RNF13: variants seen among roughly 807,000 people sequenced by gnomAD.
RNF13 encodes the protein ring finger protein 13.
A neutral mutation model predicts 37.7 loss-of-function variants in RNF13; 19 were observed. The observed-to-expected ratio is 0.50, with a 90% CI of 0.35 to 0.74. The LOEUF (loss-of-function observed/expected upper bound fraction) is 0.74. RNF13 is among the 30% of genes least tolerant of loss of function. The pLI is 0.01. For synonymous variants in RNF13, 144 were observed against 157.8 expected, an observed-to-expected ratio of 0.91 and a Z score of 0.65; for missense variants, 375 against 453.0, an observed-to-expected ratio of 0.83 and a Z score of 1.56.
Position 149,912,099 on chromosome 3 carries a change from T to G in RNF13, c.606+16T>G, listed in dbSNP as rs1427506163. The G allele has an allele frequency of 4.1e-6, 5 of 1,212,676 alleles. No homozygotes were observed. Among genetic ancestry groups the G allele is most frequent in the Non-Finnish European group, 6.0e-6 (5 of 831,124 alleles). The allele number at this position is 1,212,676 out of a possible 1,614,324, so 75.1% of individuals were successfully genotyped here. ...CATTTTCATGGTAGGTACATTAACT[T>G]TTAATAATTTTTAAAAAATAGTATG... is the stretch of plus-strand genomic sequence containing the variant. On this transcript the variant is annotated intron_variant, in intron 7 of 9. Transcript: ENST00000392894.
At chr3:149,829,160 G>C (rs1446781783) in intron 1 of RNF13, among the ~76,000 whole-genome samples, 1 of 152,092 alleles carries the variant, frequency 6.6e-6, no homozygotes, top group East Asian at 1.9e-4. Flanking sequence ...GGTGTGCAGT[G>C]GCTATCTTGG....
intron 1 of RNF13, among the ~76,000 whole-genome samples, chr3:149,817,605 T>C (rs9862467): frequency 6.6e-6 from 1 of 152,124 alleles, no homozygotes; most frequent in Non-Finnish European, 1.5e-5. Flanking sequence ...GGGGCAACAA[T>C]GAAAGTCAGG....
At chr3:149,844,968 C>A (rs765381081) in intron 1 of RNF13, among the ~76,000 whole-genome samples, 1 of 152,180 alleles carries the variant, frequency 6.6e-6, no homozygotes, top group Non-Finnish European at 1.5e-5. Flanking sequence ...GCTTTCCCCC[C>A]ACGCCCTGCC....
Position 149,938,163 on chromosome 3 carries a change from A to G in RNF13, c.700+16936A>G, listed in dbSNP as rs115387415. Among the ~76,000 whole-genome samples the G allele has an allele frequency of 4.8e-3, 726 of 151,348 alleles. 2 individuals are homozygous for G. Among genetic ancestry groups the G allele is most frequent in the African/African-American group, 0.017 (700 of 41,440 alleles). On this transcript the variant is annotated intron_variant, in intron 8 of 9. Coordinates refer to ENST00000392894, the MANE Select transcript of RNF13 (RefSeq NM_183381.3). ...GTTATATATATAGTTATGTATATAT[A>G]TAATTTTTTAAAATTTTTTATTTAT...
rs2108625332 is a variant in RNF13, at chr3:149,961,980, A to C, written c.*876A>C. On this transcript the variant is annotated 3_prime_UTR_variant, in exon 10 of 10. Coordinates refer to ENST00000392894, the MANE Select transcript of RNF13 (RefSeq NM_183381.3). ...TTATGTTTAACAGAACTAATGATGT[A>C]TTGAAACACTGTATTATGAAAAGCT... 6.5e-6 allele frequency: 1 copy of C among 152,808 alleles called. No homozygotes were observed. The highest frequency in any genetic ancestry group is 1.9e-4 in the East Asian group (1 of 5,192). 9.5% of individuals were successfully genotyped at this position (152,808 alleles called of 1,614,324 possible). A position where few individuals can be genotyped will look rare whatever the true frequency, so the allele number is the denominator to read the frequency against.
chr3:149,940,994 C>T (rs1395267540), intron 8 of RNF13, among the ~76,000 whole-genome samples: 3 of 152,158 alleles, frequency 2.0e-5, no homozygotes, highest in South Asian at 4.1e-4. Context: ...AATGCCCTCA[C>T]GGTTCACCTA....
chr3:149,878,959 G>A (rs151216625), intron 4 of RNF13, among the ~76,000 whole-genome samples: 3 of 152,288 alleles, frequency 2.0e-5, no homozygotes, highest in African/African-American at 4.8e-5. Context: ...CAGAGTTAGA[G>A]TGTGTTTTCT....
At position 149,864,024 on chromosome 3, in the gene RNF13, T is replaced by A. The variant is rs1378395651; in HGVS notation, c.196-8005T>A. On this transcript the variant is annotated intron_variant, in intron 3 of 9. Coordinates refer to ENST00000392894, the MANE Select transcript of RNF13 (RefSeq NM_183381.3). ...TTGATTGGAATTTTTTTTTTTTTTT[T>A]TTTTTTTTTTTTTTTTAGAATGATG... Among the ~76,000 whole-genome samples the A allele has an allele frequency of 2.1e-5, 3 of 142,114 alleles. No homozygotes were observed. In the East Asian group the frequency reaches 6.1e-4, roughly 29 times the overall value. 93.2% of individuals were successfully genotyped at this position (142,114 alleles called of 152,430 possible).
Position 149,895,461 on chromosome 3 carries a change from TTTGCTTTGCAG to T in RNF13, c.322-11_322-1del, listed in dbSNP as rs1715149147. ...TATAACATAATTTTTTTTTTTTTTT[TTTGCTTTGCAG>T]GTTTTAAATGCACAGAGAGCAGGAT... On this transcript the variant is annotated splice_acceptor_variant and splice_polypyrimidine_tract_variant and intron_variant, in intron 4 of 9. Transcript: ENST00000392894. LOFTEE classifies it high-confidence loss of function. 6 of 1,474,260 alleles carry T rather than the reference TTTGCTTTGCAG, an allele frequency of 4.1e-6. No individual in the cohort carries two copies. Among genetic ancestry groups the T allele is most frequent in the East Asian group, 2.3e-5 (1 of 43,300 alleles). 91.3% of individuals were successfully genotyped at this position (1,474,260 alleles called of 1,614,324 possible).
chr3:149,900,928 T>G (rs1440672287), intron 5 of RNF13, among the ~76,000 whole-genome samples: 2 of 152,098 alleles, frequency 1.3e-5, no homozygotes, highest in Non-Finnish European at 2.9e-5. Context: ...GAAAAAAACT[T>G]ACTCTACCAA....
At chr3:149,840,020 T>A (rs1722011617) in intron 1 of RNF13, among the ~76,000 whole-genome samples, 1 of 152,204 alleles carries the variant, frequency 6.6e-6, no homozygotes, top group Non-Finnish European at 1.5e-5. Context: ...TTATTTATTT[T>A]TTTTCATTCC....
At chr3:149,840,713 G>T (rs892790892) in intron 1 of RNF13, among the ~76,000 whole-genome samples, 1 of 152,142 alleles carries the variant, frequency 6.6e-6, no homozygotes, top group Non-Finnish European at 1.5e-5. Flanking sequence ...CGTGGTCAGG[G>T]GTTCTGATTG....
At chr3:149,940,086 TTTTCTC>T (rs1000211992) in intron 8 of RNF13, among the ~76,000 whole-genome samples, 14 of 152,300 alleles carry the variant, frequency 9.2e-5, no homozygotes, top group African/African-American at 2.9e-4. Context: ...CTGTTTCTGT[TTTTCTC>T]TTTCAATCTT....
intron 8 of RNF13, among the ~76,000 whole-genome samples, chr3:149,927,178 A>C (rs747048839): frequency 2.6e-5 from 4 of 152,152 alleles, no homozygotes; most frequent in Admixed American, 6.5e-5. Context: ...GGCATCCACC[A>C]TTCTACTTAC....
At chr3:149,848,598 A>C (rs1433435935) in intron 2 of RNF13, among the ~76,000 whole-genome samples, 1 of 152,238 alleles carries the variant, frequency 6.6e-6, no homozygotes, top group Admixed American at 6.5e-5. Flanking sequence ...AGTTCCAGTC[A>C]ACTAGGTTGA....
intron 8 of RNF13, 164 bp from the exon 9 acceptor site, chr3:149,959,892 A>G: frequency 2.1e-6 from 1 of 485,220 alleles, no homozygotes. Flanking sequence ...AATGTTAATT[A>G]CTTAAATTGA....
At chr3:149,853,156 A>G (rs1490347990) in intron 3 of RNF13, among the ~76,000 whole-genome samples, 1 of 152,042 alleles carries the variant, frequency 6.6e-6, no homozygotes, top group Non-Finnish European at 1.5e-5. Context: ...TCTAGTTTTT[A>G]CTATTACAGT....
At chr3:149,858,798 A>G (rs1413229156) in intron 3 of RNF13, among the ~76,000 whole-genome samples, 3 of 152,244 alleles carry the variant, frequency 2.0e-5, no homozygotes, top group African/African-American at 7.2e-5. Flanking sequence ...TATTCATTAA[A>G]TTAGTGCCTT....
At chr3:149,921,976 GT>G (rs1036889928) in intron 8 of RNF13, among the ~76,000 whole-genome samples, 12 of 148,750 alleles carry the variant, frequency 8.1e-5, no homozygotes, top group Non-Finnish European at 1.3e-4. Flanking sequence ...TTCCTGACTT[GT>G]TTTTTTTTTC....
Sources: allele counts gnomAD v4.1 joint callset (sites outside exome capture counted in the v4.1 genomes callset), GRCh38; gene constraint gnomAD v4.1.1; transcripts MANE v1.5; gene names NCBI Gene and HGNC (gene_info 2026-07-23, HGNC 2026-07-21).